STX17: variants seen among roughly 807,000 people sequenced by gnomAD.
STX17 encodes the protein syntaxin-17.
In STX17, 29 loss-of-function variants were observed where a neutral mutation model predicts 35.9. The ratio of observed to expected loss-of-function variants is 0.81; its 90% CI spans 0.60 to 1.10. STX17 has a LOEUF of 1.10. STX17 is among the 50% of genes least tolerant of loss of function. The probability of loss-of-function intolerance (pLI) is 0.00; values close to 1 mark genes in which losing one functional copy is unlikely to be tolerated. For missense variants in STX17, 312 were observed against 352.3 expected (o/e 0.89, Z 0.92); for synonymous variants, 92 against 118.3 (o/e 0.78, Z 1.44).
At chr9:99,954,986 G>GAA (rs1829678902) in intron 4 of STX17, among the ~76,000 whole-genome samples, 1 of 152,012 alleles carries the variant, frequency 6.6e-6, no homozygotes, top group Admixed American at 6.6e-5. Context: ...CTTGATCTGA[G>GAA]AAACTCCCTT....
rs370853223 is a variant in STX17 at position 99,951,236 on chromosome 9, T to C, written c.366T>C (p.Asp122=). The change falls in exon 4 of 8, where the codon GAT becomes GAC. Residue 122 remains aspartate, a synonymous_variant. Transcript: ENST00000259400. ...SVEELKKQFN[D]EETLLQPPLT... is the part of the protein sequence containing the mutation. The stretch of plus-strand genomic sequence containing the variant: ...AAGAACTTAAGAAGCAATTTAATGA[T>C]GAAGAAACTTTGCTACAGCCTCCTT... The C allele has an allele frequency of 2.1e-5, 34 of 1,612,910 alleles. No homozygotes were observed. In the African/African-American group the frequency reaches 3.9e-4, roughly 18 times the overall value.
intron 3 of STX17, among the ~76,000 whole-genome samples, chr9:99,932,192 A>G (rs1443124470): frequency 2.0e-5 from 3 of 152,208 alleles, no homozygotes; most frequent in Admixed American, 6.5e-5. Context: ...GCTCCAAAGA[A>G]TACATCTGTG....
chr9:99,930,638 T>C (rs1222336251), intron 3 of STX17, among the ~76,000 whole-genome samples: 2 of 152,222 alleles, frequency 1.3e-5, no homozygotes, highest in Non-Finnish European at 2.9e-5. Context: ...CTTTCTAGGC[T>C]TGTTGTGCAG....
At chr9:99,907,244 A>T (rs1160968922) in intron 1 of STX17, 1 of 152,202 alleles carries the variant, frequency 6.6e-6, no homozygotes, top group Non-Finnish European at 1.5e-5. Context: ...CCCTCCTTTT[A>T]GCTAACCGAG....
At chr9:99,965,726 C>T (rs1404640667) in intron 6 of STX17, among the ~76,000 whole-genome samples, 1 of 151,894 alleles carries the variant, frequency 6.6e-6, no homozygotes, top group African/African-American at 2.4e-5. Context: ...CTAAAAGATA[C>T]CTGAAGTTTT....
intron 3 of STX17, among the ~76,000 whole-genome samples, chr9:99,936,788 T>C (rs934536771): frequency 6.6e-6 from 1 of 152,166 alleles, no homozygotes; most frequent in Non-Finnish European, 1.5e-5. Context: ...AATATTTAAA[T>C]AGGCATTTAT....
At chr9:99,907,552 T>A (rs541611886) in intron 1 of STX17, among the ~76,000 whole-genome samples, 10 of 152,322 alleles carry the variant, frequency 6.6e-5, no homozygotes, top group Admixed American at 6.5e-4. Context: ...CCTGGCACAG[T>A]CCTGGCACCC....
chr9:99,922,246 C>T (rs532894627), intron 2 of STX17, among the ~76,000 whole-genome samples: 1 of 151,998 alleles, frequency 6.6e-6, no homozygotes, highest in South Asian at 2.1e-4. Context: ...TTTTATTTAC[C>T]CAAAGGGGAC....
At position 99,971,342 on chromosome 9, in the gene STX17, C is replaced by G. The variant is rs955006828; in HGVS notation, c.*2669C>G. Among the ~76,000 whole-genome samples, 1 of 149,354 alleles carries G rather than the reference C, an allele frequency of 6.7e-6. No homozygotes were observed. The highest frequency in any genetic ancestry group is 2.0e-4 in the East Asian group (1 of 4,944). On this transcript the variant is annotated 3_prime_UTR_variant, in exon 8 of 8. Coordinates refer to ENST00000259400, the MANE Select transcript of STX17 (RefSeq NM_017919.3). Reference sequence around the variant, plus strand: ...AATTTCTCTGTAGAGCAGAGACTTTCAAACCTTTTGGCTGTAACCCACAGT... The same window carrying G: ...AATTTCTCTGTAGAGCAGAGACTTTGAAACCTTTTGGCTGTAACCCACAGT...
intron 4 of STX17, 75 bp downstream of exon 4, chr9:99,951,360 C>T: frequency 1.5e-6 from 2 of 1,323,452 alleles, no homozygotes; most frequent in Non-Finnish European, 2.1e-6. Context: ...TGAGTAGATA[C>T]TGAATTATCT....
intron 4 of STX17, among the ~76,000 whole-genome samples, chr9:99,952,867 T>G: frequency 9.5e-6 from 1 of 105,040 alleles, no homozygotes; most frequent in Admixed American, 1.3e-4. Context: ...ACATCACACT[T>G]GGGACTGTTG....
At position 99,968,509 on chromosome 9, in the gene STX17, C is replaced by T; in HGVS notation, c.745C>T (p.Leu249Phe). 1 of 1,612,864 alleles carries T rather than the reference C, an allele frequency of 6.2e-7. No individual in the cohort carries two copies. Among genetic ancestry groups the T allele is most frequent in the South Asian group, 1.1e-5 (1 of 90,940 alleles). Residue 249 changes from leucine (L) to phenylalanine (F), a missense_variant, in exon 8 of 8, where the codon CTC becomes TTC. Transcript: ENST00000259400. ...IGGMVGGPIG[L>F]LAGFKVAGIA... is the part of the protein sequence containing the mutation. ...GGGAATGGTAGGGGGTCCTATTGGC[C>T]TCCTTGCAGGCTTCAAAGTGGCAGG...
chr9:99,940,374 C>T (rs927780013), intron 3 of STX17, among the ~76,000 whole-genome samples: 12 of 151,898 alleles, frequency 7.9e-5, no homozygotes, highest in South Asian at 2.1e-4. Flanking sequence ...TCAAGTGATC[C>T]GCCCGCGTCG....
chr9:99,906,860 GAA>G (rs1256615329), intron 1 of STX17, 154 bp downstream of exon 1: 12 of 152,326 alleles, frequency 7.9e-5, no homozygotes, highest in Admixed American at 2.6e-4. Flanking sequence ...CTGTTTTTCA[GAA>G]GTGGCGGAGC....
At position 99,967,647 on chromosome 9, in the gene STX17, A is replaced by T. The variant is rs1375689265; in HGVS notation, c.583-6A>T. On this transcript the variant is annotated splice_region_variant and splice_polypyrimidine_tract_variant and intron_variant, in intron 6 of 7. Transcript: ENST00000259400. ...GACCGCTCACTCATAATTCCTTTGC[A>T]TCTAGTCTCAGCAGGAGAAGATTGA... 1 of 1,613,570 alleles carries T rather than the reference A, an allele frequency of 6.2e-7. No individual in the cohort carries two copies. The highest frequency in any genetic ancestry group is 8.5e-7 in the Non-Finnish European group (1 of 1,179,702).
At chr9:99,911,307 A>G (rs1469198839) in intron 1 of STX17, among the ~76,000 whole-genome samples, 1 of 152,164 alleles carries the variant, frequency 6.6e-6, no homozygotes, top group Non-Finnish European at 1.5e-5. Flanking sequence ...TGCTGGGATT[A>G]TAGGCATGAG....
At chr9:99,926,198 C>T (rs1828982130) in intron 2 of STX17, among the ~76,000 whole-genome samples, 1 of 151,702 alleles carries the variant, frequency 6.6e-6, no homozygotes, top group Non-Finnish European at 1.5e-5. Flanking sequence ...GGCTTTTCTT[C>T]TAATGTGCTT....
intron 2 of STX17, among the ~76,000 whole-genome samples, chr9:99,927,042 T>G (rs1828999314): frequency 1.3e-5 from 2 of 152,320 alleles, no homozygotes; most frequent in South Asian, 4.1e-4. Flanking sequence ...GGAGGAGTCC[T>G]TTGTTGAAGA....
intron 4 of STX17, chr9:99,954,162 T>G (rs1829661664): frequency 6.6e-6 from 1 of 152,064 alleles, no homozygotes; most frequent in African/African-American, 2.4e-5. Flanking sequence ...CCAAATGGGC[T>G]ATTAAAGACC....
Sources: gnomAD v4.1 joint callset for allele counts (sites outside exome capture counted in the v4.1 genomes callset) on GRCh38, gnomAD v4.1.1 for gene constraint, MANE v1.5 for transcripts, NCBI Gene and HGNC (gene_info 2026-07-23, HGNC 2026-07-21) for gene names.